Variants in TLK2 observed in about 807,000 individuals in gnomAD.
TLK2 encodes serine/threonine-protein kinase tousled-like 2.
A neutral mutation model predicts 117.3 loss-of-function variants in TLK2; 6 were observed. That is an observed-to-expected ratio of 0.05 (90% confidence interval 0.03 to 0.10). TLK2 has a LOEUF of 0.10. TLK2 is among the 10% of genes least tolerant of loss of function. TLK2 has a pLI of 1.00. For synonymous variants in TLK2, 257 were observed against 316.7 expected, an observed-to-expected ratio of 0.81 and a Z score of 2.00; for missense variants, 299 against 901.2, an observed-to-expected ratio of 0.33 and a Z score of 8.56.
At chr17:62,583,559 G>GT (rs1282666810) in intron 15 of TLK2, among the ~76,000 whole-genome samples, 5 of 151,934 alleles carry the variant, frequency 3.3e-5, no homozygotes, top group Non-Finnish European at 7.4e-5. Context: ...TTTTCCTAAT[G>GT]TATTTCTTCA....
At chr17:62,495,768 C>G (rs2073608569) in intron 2 of TLK2, among the ~76,000 whole-genome samples, 1 of 151,402 alleles carries the variant, frequency 6.6e-6, no homozygotes, top group South Asian at 2.1e-4. Flanking sequence ...AAGCGATTCT[C>G]CTGTCTCAGC....
intron 2 of TLK2, among the ~76,000 whole-genome samples, chr17:62,482,995 T>G (rs1408966729): frequency 6.6e-6 from 1 of 152,180 alleles, no homozygotes; most frequent in Non-Finnish European, 1.5e-5. Flanking sequence ...CACTTTAGAG[T>G]GGCTGTGCCC....
rs1390802973 is a variant in TLK2, at chr17:62,522,113, T to C, written c.154-91T>C. ...CTTGTCTGGGCCAGTTATATCTGTT[T>C]ATATATTCAATATTTTGTGTATACT... On this transcript the variant is annotated intron_variant, in intron 3 of 21. Transcript: ENST00000346027. 9 of 1,339,540 alleles carry C rather than the reference T, an allele frequency of 6.7e-6. No homozygotes were observed. In the South Asian group the frequency reaches 7.8e-5, roughly 12 times the overall value. The allele number at this position is 1,339,540 out of a possible 1,614,324, so 83.0% of individuals were successfully genotyped here.
chr17:62,568,439 A>C (rs993634538), intron 11 of TLK2, among the ~76,000 whole-genome samples: 17 of 152,006 alleles, frequency 1.1e-4, no homozygotes, highest in African/African-American at 4.1e-4. Flanking sequence ...CTCAAAAAAA[A>C]AAAAAAAAAA....
chr17:62,553,837 T>A, intron 9 of TLK2, 82 bp downstream of exon 9: 1 of 865,022 alleles, frequency 1.2e-6, no homozygotes, highest in South Asian at 1.5e-5. Context: ...ATAGAAGTAA[T>A]TACTATAGCC....
chr17:62,552,360 C>G lies in TLK2; in HGVS notation c.590C>G (p.Ser197Cys). Reference protein sequence around the residue: ...GSGNTEHSCSSQKQISIQHRQ... With the variant: ...GSGNTEHSCSCQKQISIQHRQ... ...GGCAACACAGAGCATTCCTGCAGCT[C>G]CCAAAAACAGATCTCCATCCAGCAC... The change falls in exon 8 of 22, where the codon TCC becomes TGC. Residue 197 changes from serine (S) to cysteine (C), a missense_variant. By Grantham distance (112) the Ser-to-Cys change is moderately radical. Around this residue, in one of 4 missense-constraint regions of TLK2, gnomAD observed 94 missense variants for 282.6 expected, o/e 0.33. Transcript: ENST00000346027. 6.2e-7 allele frequency: 1 copy of G among 1,613,752 alleles called. No homozygotes were observed. The highest frequency in any genetic ancestry group is 8.5e-7 in the Non-Finnish European group (1 of 1,179,894).
At chr17:62,491,309 T>C (rs1387391814) in intron 2 of TLK2, among the ~76,000 whole-genome samples, 10 of 152,182 alleles carry the variant, frequency 6.6e-5, no homozygotes, top group Non-Finnish European at 1.5e-4. Flanking sequence ...TTTAGTTAAA[T>C]TCAGATTAAA....
At chr17:62,561,271 T>C (rs1367215743) in intron 10 of TLK2, among the ~76,000 whole-genome samples, 1 of 152,240 alleles carries the variant, frequency 6.6e-6, no homozygotes. Flanking sequence ...CTATTGTGAA[T>C]AGTGCCACAA....
At position 62,605,269 on chromosome 17, in the gene TLK2, G is replaced by T. The variant is rs566997821; in HGVS notation, c.1860-861G>T. Among the ~76,000 whole-genome samples, 6 of 152,356 alleles carry T rather than the reference G, an allele frequency of 3.9e-5. No individual in the cohort carries two copies. In the South Asian group the frequency reaches 1.2e-3, roughly 32 times the overall value. On this transcript the variant is annotated intron_variant, in intron 19 of 21. Coordinates refer to ENST00000346027, the MANE Select transcript of TLK2 (RefSeq NM_006852.6). Reference sequence around the variant, plus strand: ...TTGAACCTGGGAGGCAGAGGTTGCAGTGAGCCGAGATCGTGAGTGAAGTGG... The same window carrying T: ...TTGAACCTGGGAGGCAGAGGTTGCATTGAGCCGAGATCGTGAGTGAAGTGG...
rs369887924 is a variant in TLK2, at chr17:62,533,367, G to GGTGTGTGT, written c.364-2786_364-2779dup. ...TCCCATATGGTGTATTCCTATACGG[G>GGTGTGTGT]GTGTGTGTGTGTGTGTGTGTGTGTC... On this transcript the variant is annotated intron_variant, in intron 6 of 21. Coordinates refer to ENST00000346027, the MANE Select transcript of TLK2 (RefSeq NM_006852.6). Among the ~76,000 whole-genome samples the GGTGTGTGT allele has an allele frequency of 6.8e-3, 753 of 111,064 alleles. 17 individuals carry two copies. Among genetic ancestry groups the GGTGTGTGT allele is most frequent in the South Asian group, 0.015 (51 of 3,508 alleles). The allele number at this position is 111,064 out of a possible 152,430, so 72.9% of individuals were successfully genotyped here.
At chr17:62,597,338 T>G (rs559728184) in intron 17 of TLK2, 13 of 152,374 alleles carry the variant, frequency 8.5e-5, no homozygotes, top group African/African-American at 3.1e-4. Context: ...TGTCAGTACT[T>G]CATTCCTTTT....
At chr17:62,551,083 G>T (rs1181324557) in intron 7 of TLK2, among the ~76,000 whole-genome samples, 1 of 152,196 alleles carries the variant, frequency 6.6e-6, no homozygotes, top group Non-Finnish European at 1.5e-5. Flanking sequence ...CTCCCAAAGT[G>T]CTAGGATTAC....
chr17:62,611,489 C>T (rs528195435), intron 21 of TLK2, among the ~76,000 whole-genome samples: 4 of 152,254 alleles, frequency 2.6e-5, no homozygotes, highest in South Asian at 4.1e-4. Flanking sequence ...TCCCTTATAC[C>T]GCCTGCTGTA....
chr17:62,511,387 T>C (rs2145252416), intron 2 of TLK2, among the ~76,000 whole-genome samples: 1 of 152,356 alleles, frequency 6.6e-6, no homozygotes, highest in South Asian at 2.1e-4. Context: ...ACCTTTTATT[T>C]TGAGACAGAG....
At chr17:62,569,065 G>A (rs2146528167) in intron 11 of TLK2, among the ~76,000 whole-genome samples, 1 of 152,070 alleles carries the variant, frequency 6.6e-6, no homozygotes, top group East Asian at 2.0e-4. Flanking sequence ...AGCAGTTTGG[G>A]AGGTCGAGGT....
chr17:62,475,090 C>T (rs940630983), upstream of TLK2, among the ~76,000 whole-genome samples: 1 of 152,238 alleles, frequency 6.6e-6, no homozygotes, highest in African/African-American at 2.4e-5. Context: ...AGCAACCAAA[C>T]GTTTTTCCAT....
intron 16 of TLK2, among the ~76,000 whole-genome samples, chr17:62,593,791 ATTTT>A (rs1387305200): frequency 1.5e-5 from 2 of 134,764 alleles, no homozygotes; most frequent in Non-Finnish European, 3.2e-5. Context: ...TACACTCTAA[ATTTT>A]TTTTTTTTTT....
intron 6 of TLK2, among the ~76,000 whole-genome samples, chr17:62,532,602 A>G (rs1598414430): frequency 6.6e-6 from 1 of 152,210 alleles, no homozygotes; most frequent in African/African-American, 2.4e-5. Flanking sequence ...AAGTTCAACA[A>G]TTCAGAAATG....
intron 2 of TLK2, among the ~76,000 whole-genome samples, chr17:62,520,320 C>A (rs1239404765): frequency 3.3e-5 from 5 of 152,082 alleles, no homozygotes; most frequent in Admixed American, 2.6e-4. Context: ...CCTGAGACAG[C>A]CTCAGCAACA....
Sources: allele counts gnomAD v4.1 joint callset (sites outside exome capture counted in the v4.1 genomes callset), GRCh38; gene constraint gnomAD v4.1.1; regional missense constraint gnomAD v4.1.1; transcripts MANE v1.5; gene names NCBI Gene and HGNC (gene_info 2026-07-23, HGNC 2026-07-21).